GNAI1: variants seen among roughly 807,000 people sequenced by gnomAD.
GNAI1 encodes guanine nucleotide-binding protein G(i) subunit alpha-1.
In GNAI1, 11 loss-of-function variants were observed where a neutral mutation model predicts 38.9. That is an observed-to-expected ratio of 0.28 (90% CI 0.18 to 0.47). GNAI1 has a LOEUF of 0.47. GNAI1 is among the 20% of genes least tolerant of loss of function. The pLI is 0.99. For missense variants in GNAI1, 317 were observed against 436.9 expected, an observed-to-expected ratio of 0.73 and a Z score of 2.45; for synonymous variants, 166 against 145.1, an observed-to-expected ratio of 1.14 and a Z score of -1.04.
At chr7:80,150,611 C>T (rs1787707052) in intron 1 of GNAI1, among the ~76,000 whole-genome samples, 1 of 152,164 alleles carries the variant, frequency 6.6e-6, no homozygotes, top group Non-Finnish European at 1.5e-5. Context: ...GGAAGTGGAT[C>T]AGGAGGATGC....
At chr7:80,212,341 T>C (rs1562844969) in intron 6 of GNAI1, among the ~76,000 whole-genome samples, 1 of 152,196 alleles carries the variant, frequency 6.6e-6, no homozygotes. Context: ...AAGTTATTAA[T>C]CTTTAAAAAC....
At chr7:80,158,004 C>T (rs908577595) in intron 1 of GNAI1, among the ~76,000 whole-genome samples, 11 of 152,138 alleles carry the variant, frequency 7.2e-5, no homozygotes, top group African/African-American at 1.9e-4. Context: ...CCACCACACC[C>T]GGCCCTGAAG....
chr7:80,183,169 G>A (rs1053294047), intron 1 of GNAI1, among the ~76,000 whole-genome samples: 87 of 152,172 alleles, frequency 5.7e-4, no homozygotes, highest in African/African-American at 1.9e-3. Context: ...AAAGAGAAAC[G>A]TATTTCCAAT....
chr7:80,166,188 A>ACT (rs1366086792), intron 1 of GNAI1, among the ~76,000 whole-genome samples: 1 of 152,184 alleles, frequency 6.6e-6, no homozygotes, highest in African/African-American at 2.4e-5. Flanking sequence ...ACTACCATTC[A>ACT]CTAGGCATTA....
rs76963102 is a variant in GNAI1, at chr7:80,182,336, C to T, written c.119-6615C>T. Among the ~76,000 whole-genome samples the T allele has an allele frequency of 2.5e-3, 382 of 152,106 alleles. 4 individuals carry two copies. The highest frequency in any genetic ancestry group is 8.9e-3 in the African/African-American group (371 of 41,472). The stretch of plus-strand genomic sequence containing the variant: ...CTCATCAATATACTGATTTCATTTC[C>T]TTTGTGTGCATACATTCTTGCTCAT... On this transcript the variant is annotated intron_variant, in intron 1 of 7. Transcript: ENST00000649796.
At chr7:80,182,563 G>A (rs1241336197) in intron 1 of GNAI1, among the ~76,000 whole-genome samples, 1 of 152,106 alleles carries the variant, frequency 6.6e-6, no homozygotes, top group African/African-American at 2.4e-5. Flanking sequence ...TAAGTTCAGA[G>A]CTTCTTAGAA....
At position 80,218,873 on chromosome 7, in the gene GNAI1, A is replaced by G. The variant is rs940935177; in HGVS notation, c.*1380A>G. 3 of 152,156 alleles carry G rather than the reference A, an allele frequency of 2.0e-5. No individual in the cohort carries two copies. The highest frequency in any genetic ancestry group is 7.2e-5 in the African/African-American group (3 of 41,438). 9.4% of individuals were successfully genotyped at this position (152,156 alleles called of 1,614,324 possible). On this transcript the variant is annotated 3_prime_UTR_variant, in exon 8 of 8. Coordinates refer to ENST00000649796, the MANE Select transcript of GNAI1 (RefSeq NM_002069.6). ...TAGAATAATTTTCTTTTGATTATTC[A>G]TGATGTGTCATCTCTGACCTTGTTT...
intron 1 of GNAI1, among the ~76,000 whole-genome samples, chr7:80,187,643 G>A (rs141431807): frequency 2.2e-4 from 33 of 152,262 alleles, no homozygotes; most frequent in African/African-American, 7.9e-4. Context: ...CAGGGAAAAT[G>A]GGAATATGGA....
rs761338424 is a variant in GNAI1 at position 80,221,725 on chromosome 7, C to A, written c.*4232C>A. Among the ~76,000 whole-genome samples, 2 of 148,224 alleles carry A rather than the reference C, an allele frequency of 1.3e-5. No homozygotes were observed. Among genetic ancestry groups the A allele is most frequent in the Non-Finnish European group, 3.0e-5 (2 of 67,426 alleles). Reference sequence around the variant, plus strand: ...TCGTGCAATCTCCACTCTCTGCAACCTCCAACTCCATGGTTCAAGCAATTG... The same window carrying A: ...TCGTGCAATCTCCACTCTCTGCAACATCCAACTCCATGGTTCAAGCAATTG... On this transcript the variant is annotated 3_prime_UTR_variant, in exon 8 of 8. Coordinates refer to ENST00000649796, the MANE Select transcript of GNAI1 (RefSeq NM_002069.6).
intron 1 of GNAI1, among the ~76,000 whole-genome samples, chr7:80,160,477 A>G (rs1307557091): frequency 6.6e-6 from 1 of 152,114 alleles, no homozygotes; most frequent in Non-Finnish European, 1.5e-5. Flanking sequence ...GTGTGGAATT[A>G]ATTAAGCATT....
chr7:80,217,164 A>G, intron 7 of GNAI1, 139 bp from the exon 8 acceptor site: 1 of 229,568 alleles, frequency 4.4e-6, no homozygotes, highest in South Asian at 1.8e-4. Context: ...CCATTCTAGA[A>G]GGGAAAGCAC....
chr7:80,189,020 C>G, intron 2 of GNAI1, 27 bp downstream of exon 2: 1 of 1,597,488 alleles, frequency 6.3e-7, no homozygotes, highest in Non-Finnish European at 8.6e-7. Context: ...ACCAAATTTG[C>G]TGTTTAAGTT....
At chr7:80,217,211 A>ACTTCAGTTTCATATGTATGAAACTGT in intron 7 of GNAI1, 92 bp from the exon 8 acceptor site, 3 of 789,512 alleles carry the variant, frequency 3.8e-6, no homozygotes, top group Non-Finnish European at 5.9e-6. Flanking sequence ...TATGAAACTG[A>ACTTCAGTTTCATATGTATGAAACTGT]CTTCAGTTTC....
rs71518978 is a variant in GNAI1, at chr7:80,221,636, C to CTTTT, written c.*4165_*4168dup. ...ATTTTAATGTTAGGTTGGAAATTTT[C>CTTTT]TTTTTTTTTTTTTTTTTTTTTTTTT... On this transcript the variant is annotated 3_prime_UTR_variant, in exon 8 of 8. Coordinates refer to ENST00000649796, the MANE Select transcript of GNAI1 (RefSeq NM_002069.6). 9.0e-4 allele frequency among the ~76,000 whole-genome samples: 85 copies of CTTTT among 94,350 alleles called. 2 individuals are homozygous for CTTTT. Among genetic ancestry groups the CTTTT allele is most frequent in the Middle Eastern group, 0.011 (1 of 92 alleles). 61.9% of individuals were successfully genotyped at this position (94,350 alleles called of 152,430 possible). A position where few individuals can be genotyped will look rare whatever the true frequency, so the allele number is the denominator to read the frequency against.
At chr7:80,190,487 G>A (rs1182180482) in intron 3 of GNAI1, among the ~76,000 whole-genome samples, 3 of 151,914 alleles carry the variant, frequency 2.0e-5, no homozygotes, top group Admixed American at 1.3e-4. Context: ...CAAGCAATAA[G>A]CATTCTTGAG....
chr7:80,138,301 A>G (rs748443170), intron 1 of GNAI1, among the ~76,000 whole-genome samples: 6 of 152,192 alleles, frequency 3.9e-5, no homozygotes, highest in African/African-American at 1.2e-4. Flanking sequence ...GGCACTGTCT[A>G]TATGATTTAA....
intron 1 of GNAI1, among the ~76,000 whole-genome samples, chr7:80,152,505 G>A (rs1370947218): frequency 6.6e-6 from 1 of 151,762 alleles, no homozygotes; most frequent in African/African-American, 2.4e-5. Flanking sequence ...TACAAAAACG[G>A]GTTAAAGAAA....
intron 1 of GNAI1, among the ~76,000 whole-genome samples, chr7:80,182,747 G>T (rs1788316493): frequency 6.6e-6 from 1 of 151,788 alleles, no homozygotes; most frequent in African/African-American, 2.4e-5. Context: ...AAAGACAAAA[G>T]ACCCTCACCC....
chr7:80,161,799 A>G (rs1787928131), intron 1 of GNAI1, among the ~76,000 whole-genome samples: 1 of 152,134 alleles, frequency 6.6e-6, no homozygotes, highest in Admixed American at 6.5e-5. Context: ...CTGCTCTTCA[A>G]AAAGCTGAAA....
Sources: gnomAD v4.1 joint callset for allele counts (sites outside exome capture counted in the v4.1 genomes callset) on GRCh38, gnomAD v4.1.1 for gene constraint, MANE v1.5 for transcripts, NCBI Gene and HGNC (gene_info 2026-07-23, HGNC 2026-07-21) for gene names.